Variants in FLI1 observed in about 807,000 individuals in gnomAD.
The protein encoded by FLI1 is Friend leukemia integration 1 transcription factor.
In FLI1, 13 loss-of-function variants were observed where a neutral mutation model predicts 53.1. The ratio of observed to expected loss-of-function variants is 0.24; its 90% CI spans 0.16 to 0.39. FLI1 has a LOEUF of 0.39. FLI1 is among the 10% of genes least tolerant of loss of function. FLI1 has a pLI of 1.00. For missense variants in FLI1, 424 were observed against 600.5 expected (o/e 0.71, Z 3.07); for synonymous variants, 244 against 236.7 (o/e 1.03, Z -0.28).
chr11:128,789,419 G>A (rs1394132778), intron 5 of FLI1, among the ~76,000 whole-genome samples: 1 of 152,186 alleles, frequency 6.6e-6, no homozygotes, highest in East Asian at 1.9e-4. Flanking sequence ...CGGAGTAGGT[G>A]GGCATGGAGC....
intron 1 of FLI1, among the ~76,000 whole-genome samples, chr11:128,743,405 TAA>T (rs373125181): frequency 1.0e-3 from 93 of 91,548 alleles, no homozygotes; most frequent in East Asian, 6.9e-3. Context: ...ACCATGTCTC[TAA>T]AAAAAAAAAA....
At chr11:128,710,569 A>G (rs898666909) in intron 1 of FLI1, among the ~76,000 whole-genome samples, 73 of 152,182 alleles carry the variant, frequency 4.8e-4, no homozygotes, top group African/African-American at 1.7e-3. Context: ...CCACACTAAC[A>G]CCACAGAGTG....
At chr11:128,686,329 C>T (rs1481917142), upstream of FLI1, 5 of 456,122 alleles carry the variant, frequency 1.1e-5, no homozygotes, top group East Asian at 3.5e-4. Context: ...TGCCCAGGCC[C>T]TGGGGGAGGC....
chr11:128,713,573 C>A (rs888004455), intron 1 of FLI1, among the ~76,000 whole-genome samples: 2 of 150,244 alleles, frequency 1.3e-5, no homozygotes, highest in African/African-American at 2.5e-5. Flanking sequence ...AGCAGTAAAG[C>A]AGACAGGTAT....
At chr11:128,695,333 A>G (rs1938015576) in intron 1 of FLI1, among the ~76,000 whole-genome samples, 1 of 152,180 alleles carries the variant, frequency 6.6e-6, no homozygotes, top group African/African-American at 2.4e-5. Context: ...GCCTTAGAGG[A>G]CCTAGGGGAA....
chr11:128,718,972 C>T (rs376079796), intron 1 of FLI1, among the ~76,000 whole-genome samples: 6 of 152,330 alleles, frequency 3.9e-5, no homozygotes, highest in East Asian at 1.9e-4. Flanking sequence ...TCAACATAAA[C>T]GAACTTTCGG....
chr11:128,697,425 T>C (rs1157455296), intron 1 of FLI1, among the ~76,000 whole-genome samples: 1 of 152,148 alleles, frequency 6.6e-6, no homozygotes, highest in Admixed American at 6.5e-5. Context: ...AGCAAGGCAC[T>C]TCTTGTATCT....
chr11:128,781,693 C>T (rs1941920102), intron 4 of FLI1, among the ~76,000 whole-genome samples: 1 of 152,188 alleles, frequency 6.6e-6, no homozygotes, highest in Admixed American at 6.5e-5. Context: ...ATGAATATGG[C>T]AGCTTAGGGG....
intron 4 of FLI1, among the ~76,000 whole-genome samples, chr11:128,776,084 C>G (rs765389883): frequency 1.9e-4 from 29 of 152,216 alleles, no homozygotes; most frequent in Non-Finnish European, 3.8e-4. Context: ...ACTATTTATT[C>G]TGGTGGTTTG....
At chr11:128,741,257 G>T (rs184523484) in intron 1 of FLI1, among the ~76,000 whole-genome samples, 1 of 152,262 alleles carries the variant, frequency 6.6e-6, no homozygotes, top group East Asian at 1.9e-4. Context: ...GCCAGGTGTG[G>T]TCATGGGCGC....
chr11:128,763,716 C>A (rs1941217031), intron 2 of FLI1, among the ~76,000 whole-genome samples: 1 of 152,170 alleles, frequency 6.6e-6, no homozygotes, highest in African/African-American at 2.4e-5. Context: ...GTGTTCTCAA[C>A]CTTGCAGTAT....
intron 4 of FLI1, among the ~76,000 whole-genome samples, chr11:128,776,912 C>T (rs946008446): frequency 6.6e-6 from 1 of 152,194 alleles, no homozygotes; most frequent in African/African-American, 2.4e-5. Flanking sequence ...GTGGGCAGCC[C>T]GGCCACTTCC....
At chr11:128,744,885 A>G (rs1334239518) in intron 1 of FLI1, among the ~76,000 whole-genome samples, 2 of 152,226 alleles carry the variant, frequency 1.3e-5, no homozygotes, top group Non-Finnish European at 2.9e-5. Flanking sequence ...CAACATGACA[A>G]GGCAGTCTAA....
chr11:128,728,878 G>C (rs575378912), intron 1 of FLI1, among the ~76,000 whole-genome samples: 1 of 152,202 alleles, frequency 6.6e-6, no homozygotes, highest in East Asian at 1.9e-4. Context: ...GTGGGGTGAA[G>C]GAAATGAGAG....
At chr11:128,695,444 C>T (rs1002149056) in intron 1 of FLI1, among the ~76,000 whole-genome samples, 13 of 152,118 alleles carry the variant, frequency 8.5e-5, no homozygotes, top group African/African-American at 2.7e-4. Flanking sequence ...TGGCAGAGCC[C>T]GCCATTCCCC....
intron 5 of FLI1, among the ~76,000 whole-genome samples, chr11:128,793,936 G>A (rs510955): frequency 0.1 from 15,328 of 152,168 alleles, 1,042 homozygotes; most frequent in Non-Finnish European, 0.15. Context: ...CACTGCCAAG[G>A]AGGGGCTTTC....
intron 2 of FLI1, among the ~76,000 whole-genome samples, chr11:128,759,974 C>T (rs1021119555): frequency 3.3e-5 from 5 of 152,146 alleles, no homozygotes; most frequent in Non-Finnish European, 7.3e-5. Context: ...CCTGTGGGAA[C>T]TGCCAGGCCT....
chr11:128,739,412 GC>G (rs1250437472), intron 1 of FLI1, among the ~76,000 whole-genome samples: 2 of 151,924 alleles, frequency 1.3e-5, no homozygotes, highest in Non-Finnish European at 2.9e-5. Flanking sequence ...CGCTCCTGCT[GC>G]CCCCACCCCT....
At chr11:128,797,405 C>G (rs1025638639) in intron 5 of FLI1, among the ~76,000 whole-genome samples, 1 of 152,216 alleles carries the variant, frequency 6.6e-6, no homozygotes, top group African/African-American at 2.4e-5. Flanking sequence ...GTCAGCCAAT[C>G]TGTCACTTTT....
Sources: allele counts gnomAD v4.1 joint callset (sites outside exome capture counted in the v4.1 genomes callset), GRCh38; gene constraint gnomAD v4.1.1; transcripts MANE v1.5; gene names NCBI Gene and HGNC (gene_info 2026-07-23, HGNC 2026-07-21).